The following SMYD3 variants were observed in gnomAD, a reference collection of about 807,000 sequenced individuals.
The protein encoded by SMYD3 is SET and MYND domain containing 3, also known as histone-lysine N-methyltransferase SMYD3.
Under a neutral mutation model 57.7 loss-of-function variants are expected in SMYD3, and 36 were observed. The observed-to-expected ratio is 0.62, with a 90% CI of 0.48 to 0.82. The LOEUF (loss-of-function observed/expected upper bound fraction) is 0.82, where lower values mean the gene tolerates loss of function less well. Ranked by LOEUF, SMYD3 falls within the 40% of genes least tolerant of loss-of-function variation. The pLI, the probability that SMYD3 is intolerant of heterozygous loss-of-function variation, is 0.00. For missense variants in SMYD3, 515 were observed against 538.8 expected, an observed-to-expected ratio of 0.96 and a Z score of 0.44; for synonymous variants, 211 against 195.0, an observed-to-expected ratio of 1.08 and a Z score of -0.68.
chr1:246,049,390 G>A (rs1049700939), intron 5 of SMYD3, among the ~76,000 whole-genome samples: 18 of 152,040 alleles, frequency 1.2e-4, no homozygotes, highest in African/African-American at 2.9e-4. Flanking sequence ...TCTGCCTCCC[G>A]GGTTCACGCC....
At chr1:246,163,624 T>C (rs541089823) in intron 5 of SMYD3, among the ~76,000 whole-genome samples, 44 of 152,336 alleles carry the variant, frequency 2.9e-4, no homozygotes, top group African/African-American at 1.0e-3. Context: ...CAAATTCAGA[T>C]TAGGTTTCTG....
At chr1:246,151,399 G>A (rs2061939738) in intron 5 of SMYD3, among the ~76,000 whole-genome samples, 1 of 151,964 alleles carries the variant, frequency 6.6e-6, no homozygotes, top group African/African-American at 2.4e-5. Flanking sequence ...AAAAAGTATG[G>A]GGTTCATGGC....
At chr1:246,159,798 C>T (rs555435957) in intron 5 of SMYD3, among the ~76,000 whole-genome samples, 45 of 152,108 alleles carry the variant, frequency 3.0e-4, no homozygotes, top group South Asian at 6.2e-4. Flanking sequence ...GTACTGAGGG[C>T]TCGCCAGGTC....
intron 10 of SMYD3, among the ~76,000 whole-genome samples, chr1:245,828,286 A>G (rs908738898): frequency 6.6e-6 from 1 of 152,190 alleles, no homozygotes; most frequent in African/African-American, 2.4e-5. Context: ...AAATTCTTCA[A>G]TAAATTAACA....
chr1:246,255,263 T>C (rs2063862458), intron 5 of SMYD3, among the ~76,000 whole-genome samples: 1 of 151,686 alleles, frequency 6.6e-6, no homozygotes. Context: ...TGGCTATGGG[T>C]TTGTCATAGA....
At chr1:246,201,392 T>C (rs911151896) in intron 5 of SMYD3, among the ~76,000 whole-genome samples, 11 of 152,244 alleles carry the variant, frequency 7.2e-5, no homozygotes, top group African/African-American at 2.7e-4. Context: ...TTCATCTCTC[T>C]GGATCAGCTT....
chr1:246,410,791 A>G (rs2066953821), intron 1 of SMYD3, among the ~76,000 whole-genome samples: 1 of 152,020 alleles, frequency 6.6e-6, no homozygotes, highest in East Asian at 1.9e-4. Flanking sequence ...CTGTGAATCC[A>G]TCTGGTCCTG....
intron 11 of SMYD3, among the ~76,000 whole-genome samples, chr1:245,760,707 G>A (rs1467635501): frequency 6.6e-6 from 1 of 152,148 alleles, no homozygotes; most frequent in African/African-American, 2.4e-5. Flanking sequence ...GTCCCTTGAG[G>A]GATTCCCACT....
chr1:246,143,493 C>T (rs1375940909), intron 5 of SMYD3, among the ~76,000 whole-genome samples: 2 of 152,060 alleles, frequency 1.3e-5, no homozygotes, highest in African/African-American at 4.8e-5. Flanking sequence ...GTGGCAAAAT[C>T]CCATCTCCAC....
At position 246,008,503 on chromosome 1, in the gene SMYD3, C is replaced by T. The variant is rs534970672; in HGVS notation, c.532-78566G>A. Among the ~76,000 whole-genome samples, 11 of 152,280 alleles carry T rather than the reference C, an allele frequency of 7.2e-5. No individual in the cohort carries two copies. In the East Asian group the frequency reaches 7.7e-4, roughly 11 times the overall value. Reference sequence around the variant, plus strand: ...CATTAACATTTCTGTACTTAGAAGTCGGCTGGGATCCTGGAGGGCATAAGA... The same window carrying T: ...CATTAACATTTCTGTACTTAGAAGTTGGCTGGGATCCTGGAGGGCATAAGA... On this transcript the variant is annotated intron_variant, in intron 5 of 11. Coordinates refer to ENST00000490107, the MANE Select transcript of SMYD3 (RefSeq NM_001167740.2).
intron 5 of SMYD3, among the ~76,000 whole-genome samples, chr1:245,940,330 G>A (rs935074884): frequency 4.6e-5 from 7 of 152,180 alleles, no homozygotes; most frequent in Admixed American, 2.0e-4. Context: ...CCTCCTGACT[G>A]GGTGAGACCT....
chr1:246,436,902 T>TTC (rs200575987), intron 1 of SMYD3, among the ~76,000 whole-genome samples: 8,302 of 125,902 alleles, frequency 0.066, 256 homozygotes, highest in Middle Eastern at 0.17. Context: ...GTTTCTTTCT[T>TTC]TTTTTTTTTT....
rs772325107 is a variant in SMYD3 at position 245,920,300 on chromosome 1, G to C, written c.703-4660C>G. On this transcript the variant is annotated intron_variant, in intron 7 of 11. Transcript: ENST00000490107. ...TGCACTCCAGCCTGGGCGACAGAGC[G>C]AGACTCCGTCTCAAAAAAAAAAAAA... 7.1e-4 allele frequency among the ~76,000 whole-genome samples: 82 copies of C among 114,824 alleles called. 1 individual carries two copies. Among genetic ancestry groups the C allele is most frequent in the Middle Eastern group, 8.5e-3 (1 of 118 alleles). The allele number at this position is 114,824 out of a possible 152,430, so 75.3% of individuals were successfully genotyped here.
intron 1 of SMYD3, among the ~76,000 whole-genome samples, chr1:246,407,111 A>G (rs1404162981): frequency 6.6e-6 from 1 of 152,202 alleles, no homozygotes; most frequent in Admixed American, 6.5e-5. Context: ...ATTGGGGGGT[A>G]CCATCACTCT....
chr1:245,982,156 A>AC (rs5782378), intron 5 of SMYD3, among the ~76,000 whole-genome samples: 15,650 of 152,276 alleles, frequency 0.1, 971 homozygotes, highest in South Asian at 0.23. Context: ...AGTTTTTGAG[A>AC]CAGGATCTTG....
chr1:246,162,940 C>T (rs1286841720), intron 5 of SMYD3, among the ~76,000 whole-genome samples: 1 of 152,212 alleles, frequency 6.6e-6, no homozygotes, highest in African/African-American at 2.4e-5. Flanking sequence ...GCCTCAACTA[C>T]ATTTCTCTTA....
chr1:246,159,321 C>CTA (rs1201772087), intron 5 of SMYD3, among the ~76,000 whole-genome samples: 2 of 152,120 alleles, frequency 1.3e-5, no homozygotes, highest in African/African-American at 4.8e-5. Context: ...GTGTAGCTCA[C>CTA]CGGGGGCTGC....
At chr1:245,860,606 C>T (rs1307239128) in intron 9 of SMYD3, among the ~76,000 whole-genome samples, 3 of 152,182 alleles carry the variant, frequency 2.0e-5, no homozygotes, top group Non-Finnish European at 2.9e-5. Flanking sequence ...GGATGAGTCC[C>T]GTCTTGGAGG....
intron 1 of SMYD3, among the ~76,000 whole-genome samples, chr1:246,374,904 C>T (rs2066248957): frequency 6.6e-6 from 1 of 151,948 alleles, no homozygotes; most frequent in Non-Finnish European, 1.5e-5. Context: ...ACCAGCCTGG[C>T]CAACATGGTG....
Sources: allele counts gnomAD v4.1 joint callset (sites outside exome capture counted in the v4.1 genomes callset), GRCh38; gene constraint gnomAD v4.1.1; transcripts MANE v1.5; gene names NCBI Gene and HGNC (gene_info 2026-07-23, HGNC 2026-07-21).